The following GRID2 variants were observed in gnomAD, a reference collection of about 807,000 sequenced individuals.
The protein encoded by GRID2 is glutamate receptor ionotropic, delta-2.
A neutral mutation model predicts 114.8 loss-of-function variants in GRID2; 33 were observed. The ratio of observed to expected loss-of-function variants is 0.29; its 90% CI spans 0.22 to 0.38. The LOEUF (loss-of-function observed/expected upper bound fraction) is 0.38, where lower values mean the gene tolerates loss of function less well. Among genes scored for constraint, GRID2 ranks in the 10% least tolerant of loss-of-function variants. GRID2 has a pLI of 1.00. For synonymous variants in GRID2, 505 were observed against 449.9 expected, an observed-to-expected ratio of 1.12 and a Z score of -1.55; for missense variants, 1,184 against 1,257.7, an observed-to-expected ratio of 0.94 and a Z score of 0.89.
chr4:92,875,149 GTTTT>G (rs36120160), intron 2 of GRID2, among the ~76,000 whole-genome samples: 23 of 84,992 alleles, frequency 2.7e-4, no homozygotes, highest in African/African-American at 9.8e-4. Flanking sequence ...AACTCAAAAG[GTTTT>G]TTTTTTTTTT....
intron 2 of GRID2, among the ~76,000 whole-genome samples, chr4:93,014,073 G>T (rs147413229): frequency 1.0e-3 from 153 of 152,086 alleles, no homozygotes; most frequent in Middle Eastern, 3.4e-3. Context: ...TGGAGAGAAA[G>T]GGAATAAATT....
At chr4:92,895,806 T>C (rs889960457) in intron 2 of GRID2, among the ~76,000 whole-genome samples, 36 of 152,226 alleles carry the variant, frequency 2.4e-4, no homozygotes, top group African/African-American at 8.2e-4. Flanking sequence ...CAATGTTGAA[T>C]AACTTGCCCA....
intron 1 of GRID2, among the ~76,000 whole-genome samples, chr4:92,446,858 A>G (rs907950666): frequency 2.2e-4 from 33 of 152,300 alleles, no homozygotes; most frequent in African/African-American, 7.0e-4. Flanking sequence ...GAAGTTCTCA[A>G]GTTTTACCTG....
chr4:92,364,977 G>A (rs1728781960), intron 1 of GRID2, among the ~76,000 whole-genome samples: 1 of 151,996 alleles, frequency 6.6e-6, no homozygotes, highest in Admixed American at 6.6e-5. Context: ...AAGAGTAGTG[G>A]TTTCCCAGCA....
intron 8 of GRID2, among the ~76,000 whole-genome samples, chr4:93,311,257 T>C (rs1242659343): frequency 1.3e-5 from 2 of 152,070 alleles, no homozygotes; most frequent in African/African-American, 2.4e-5. Context: ...GGCTGGCTAA[T>C]GGGGTTTGAA....
chr4:93,308,533 G>A (rs1272283033), intron 8 of GRID2, among the ~76,000 whole-genome samples: 6 of 152,038 alleles, frequency 3.9e-5, no homozygotes, highest in African/African-American at 1.2e-4. Context: ...GTTCAACACT[G>A]CTTACTTAAT....
chr4:92,972,232 G>T (rs531813367), intron 2 of GRID2, among the ~76,000 whole-genome samples: 42 of 148,832 alleles, frequency 2.8e-4, no homozygotes, highest in African/African-American at 7.0e-4. Context: ...TCTGATAACA[G>T]CTATCCTAAC....
chr4:93,485,195 G>A (rs1726265301), intron 11 of GRID2, among the ~76,000 whole-genome samples: 2 of 151,340 alleles, frequency 1.3e-5, no homozygotes. Context: ...ATATTTATTG[G>A]CCATTGGTTA....
intron 4 of GRID2, among the ~76,000 whole-genome samples, chr4:93,145,518 A>G (rs1007985804): frequency 2.1e-4 from 31 of 149,240 alleles, no homozygotes; most frequent in Admixed American, 1.1e-3. Context: ...CTGGATTGCA[A>G]TGGTGTGATC....
intron 14 of GRID2, among the ~76,000 whole-genome samples, chr4:93,658,877 T>C (rs1003609667): frequency 6.6e-6 from 1 of 152,212 alleles, no homozygotes; most frequent in Non-Finnish European, 1.5e-5. Flanking sequence ...TCAAAATTTG[T>C]GCAAGAACTT....
chr4:92,812,093 C>T (rs1347099868), intron 2 of GRID2, among the ~76,000 whole-genome samples: 1 of 152,092 alleles, frequency 6.6e-6, no homozygotes, highest in African/African-American at 2.4e-5. Flanking sequence ...TCTGTACAAC[C>T]TTTATGTGAA....
At chr4:93,417,008 G>C (rs1258094286) in intron 9 of GRID2, among the ~76,000 whole-genome samples, 1 of 152,002 alleles carries the variant, frequency 6.6e-6, no homozygotes, top group Non-Finnish European at 1.5e-5. Flanking sequence ...CCTGTAATTT[G>C]TTTTCATTTA....
chr4:92,344,496 T>A (rs556823325), intron 1 of GRID2, among the ~76,000 whole-genome samples: 2 of 152,320 alleles, frequency 1.3e-5, no homozygotes, highest in South Asian at 4.1e-4. Context: ...CCTTACAAAC[T>A]TAGTGGCTCA....
intron 14 of GRID2, among the ~76,000 whole-genome samples, chr4:93,649,679 T>C (rs957430906): frequency 1.3e-5 from 2 of 152,166 alleles, no homozygotes; most frequent in Non-Finnish European, 2.9e-5. Flanking sequence ...GCCATCTTTA[T>C]CCAGGTCACT....
At chr4:93,169,703 A>G (rs921408844) in intron 4 of GRID2, among the ~76,000 whole-genome samples, 7 of 152,216 alleles carry the variant, frequency 4.6e-5, no homozygotes, top group African/African-American at 1.4e-4. Context: ...ACTAAAGCTC[A>G]ATGTGCCCAC....
intron 13 of GRID2, among the ~76,000 whole-genome samples, chr4:93,563,900 TTAC>T (rs1243758732): frequency 1.3e-5 from 2 of 151,956 alleles, no homozygotes; most frequent in Non-Finnish European, 2.9e-5. Flanking sequence ...TAGCTAAATG[TTAC>T]TACATTTTAA....
chr4:92,438,585 T>C (rs1732852845), intron 1 of GRID2, among the ~76,000 whole-genome samples: 1 of 151,138 alleles, frequency 6.6e-6, no homozygotes, highest in South Asian at 2.1e-4. Context: ...CTTCTGTGTG[T>C]GTGTGTGTGT....
At chr4:93,475,231 A>G (rs184183046) in intron 11 of GRID2, among the ~76,000 whole-genome samples, 1 of 152,252 alleles carries the variant, frequency 6.6e-6, no homozygotes, top group Admixed American at 6.5e-5. Flanking sequence ...TATTCAAAAG[A>G]ATATGTGGAA....
chr4:93,066,178 T>C (rs1728275165), intron 2 of GRID2, among the ~76,000 whole-genome samples: 1 of 151,938 alleles, frequency 6.6e-6, no homozygotes. Flanking sequence ...ACTGACCAAA[T>C]GTCATTATCA....
Sources: gnomAD v4.1 joint callset for allele counts (sites outside exome capture counted in the v4.1 genomes callset) on GRCh38, gnomAD v4.1.1 for gene constraint, MANE v1.5 for transcripts, NCBI Gene and HGNC (gene_info 2026-07-23, HGNC 2026-07-21) for gene names.